Variants in PCTP observed in about 807,000 individuals in gnomAD.
PCTP encodes the protein phosphatidylcholine transfer protein.
PCTP carries 27 observed loss-of-function variants against 31.0 expected under a neutral mutation model. The observed-to-expected ratio is 0.87, with a 90% CI of 0.64 to 1.20. The LOEUF (loss-of-function observed/expected upper bound fraction) is 1.20. Among genes scored for constraint, PCTP ranks in the 50% most tolerant of loss-of-function variants. The pLI, the probability that PCTP is intolerant of heterozygous loss-of-function variation, is 0.00. For synonymous variants in PCTP, 108 were observed against 101.2 expected, an observed-to-expected ratio of 1.07 and a Z score of -0.40; for missense variants, 287 against 268.2, an observed-to-expected ratio of 1.07 and a Z score of -0.49.
intron 5 of PCTP, among the ~76,000 whole-genome samples, chr17:55,841,767 A>G (rs780864122): frequency 4.6e-5 from 7 of 152,222 alleles, no homozygotes; most frequent in Non-Finnish European, 7.3e-5. Flanking sequence ...TAGATTGGGT[A>G]TGCAAATTAC....
chr17:55,773,911 C>T lies in PCTP; in HGVS notation c.511+16C>T. ...GGGAGCAAAGGTAAAACCCATGGTG[C>T]CTGTCAGTGCACCCAGCCAGGGGTC... On this transcript the variant is annotated intron_variant, in intron 4 of 5. Transcript: ENST00000268896. The T allele has an allele frequency of 6.3e-7, 1 of 1,578,712 alleles. No homozygotes were observed. The highest frequency in any genetic ancestry group is 8.6e-7 in the Non-Finnish European group (1 of 1,159,028).
chr17:55,776,556 A>G lies in PCTP; in HGVS notation c.*456A>G, dbSNP rs973429053. On this transcript the variant is annotated 3_prime_UTR_variant, in exon 6 of 6. Coordinates refer to ENST00000268896, the MANE Select transcript of PCTP (RefSeq NM_021213.4). ...AGCTTGTGATTTCTTCCAGCTTGGG[A>G]GGGGCTGCTGGAAGTGGCATTTCGT... The G allele has an allele frequency of 3.3e-5, 41 of 1,231,810 alleles. No homozygotes were observed. Among genetic ancestry groups the G allele is most frequent in the Non-Finnish European group, 3.8e-5 (38 of 988,334 alleles). 76.3% of individuals were successfully genotyped at this position (1,231,810 alleles called of 1,614,324 possible).
intron 3 of PCTP, among the ~76,000 whole-genome samples, chr17:55,795,062 T>C (rs1912139897): frequency 6.6e-6 from 1 of 151,864 alleles, no homozygotes; most frequent in Non-Finnish European, 1.5e-5. Context: ...ATACACACAC[T>C]AACCCTCCTC....
At chr17:55,841,583 G>A (rs982184115) in intron 5 of PCTP, among the ~76,000 whole-genome samples, 1 of 152,176 alleles carries the variant, frequency 6.6e-6, no homozygotes, top group Non-Finnish European at 1.5e-5. Context: ...GCCACGGTCT[G>A]TGGTTTTGAA....
intron 3 of PCTP, among the ~76,000 whole-genome samples, chr17:55,813,463 T>G (rs902436211): frequency 3.9e-5 from 6 of 151,944 alleles, no homozygotes; most frequent in Non-Finnish European, 8.8e-5. Flanking sequence ...TTTTTTTGTG[T>G]TTCAGTAGAG....
At chr17:55,758,561 GT>G (rs1910170156) in intron 1 of PCTP, among the ~76,000 whole-genome samples, 1 of 152,152 alleles carries the variant, frequency 6.6e-6, no homozygotes, top group African/African-American at 2.4e-5. Context: ...GCTCCTTTCT[GT>G]CATCCTTCTG....
intron 3 of PCTP, among the ~76,000 whole-genome samples, chr17:55,804,118 C>T (rs942393694): frequency 6.6e-6 from 1 of 152,172 alleles, no homozygotes; most frequent in Admixed American, 6.5e-5. Flanking sequence ...AAAAGATCAT[C>T]ATCACTGGTC....
chr17:55,833,508 T>G (rs1024629275), intron 5 of PCTP, among the ~76,000 whole-genome samples: 13 of 152,246 alleles, frequency 8.5e-5, no homozygotes, highest in Admixed American at 2.6e-4. Flanking sequence ...ATGCACTGCC[T>G]GGCACAGTTT....
At chr17:55,841,385 G>A (rs557228911) in intron 5 of PCTP, among the ~76,000 whole-genome samples, 13 of 152,288 alleles carry the variant, frequency 8.5e-5, no homozygotes, top group African/African-American at 2.6e-4. Flanking sequence ...TGAGAAGGGC[G>A]CAGTAGAGTT....
chr17:55,790,141 A>C (rs1460621391), intron 3 of PCTP, among the ~76,000 whole-genome samples: 1 of 152,234 alleles, frequency 6.6e-6, no homozygotes, highest in Admixed American at 6.5e-5. Context: ...TTAGGTATTG[A>C]TGGCATGTAT....
downstream of PCTP, among the ~76,000 whole-genome samples, chr17:55,779,956 C>T (rs1165318711): frequency 6.6e-6 from 1 of 152,192 alleles, no homozygotes; most frequent in Non-Finnish European, 1.5e-5. Context: ...ACATCTGCAT[C>T]ATGCAGCCCA....
chr17:55,794,452 G>GT (rs746733092), intron 3 of PCTP, among the ~76,000 whole-genome samples: 231 of 149,726 alleles, frequency 1.5e-3, no homozygotes, highest in South Asian at 0.013. Context: ...GCATTTGGGT[G>GT]TTTTTTTTTA....
At chr17:55,851,244 A>G in the PCTP span, among the ~76,000 whole-genome samples, 1 of 152,374 alleles carries the variant, frequency 6.6e-6, no homozygotes. Context: ...TTACTGAGGC[A>G]TAAATGACTT....
At chr17:55,792,367 A>G (rs1382374698) in intron 3 of PCTP, among the ~76,000 whole-genome samples, 1 of 151,872 alleles carries the variant, frequency 6.6e-6, no homozygotes, top group African/African-American at 2.4e-5. Flanking sequence ...ATTTCTAAAC[A>G]CTTTCTCAAA....
intron 3 of PCTP, chr17:55,822,654 C>T: frequency 2.2e-6 from 1 of 461,536 alleles, no homozygotes; most frequent in Non-Finnish European, 3.5e-6. Context: ...GAATTGCATC[C>T]TTCCATGACT....
chr17:55,773,400 A>C (rs1454239762), intron 3 of PCTP, among the ~76,000 whole-genome samples: 1 of 152,150 alleles, frequency 6.6e-6, no homozygotes, highest in Admixed American at 6.5e-5. Context: ...ACCTAGGACC[A>C]CACAGCTGTT....
chr17:55,809,100 G>C (rs1356999912), intron 3 of PCTP, among the ~76,000 whole-genome samples: 1 of 152,122 alleles, frequency 6.6e-6, no homozygotes. Context: ...ATGAAGTAAT[G>C]CTCTTTATTA....
chr17:55,844,148 T>C (rs1906071569), downstream of PCTP, among the ~76,000 whole-genome samples: 1 of 152,226 alleles, frequency 6.6e-6, no homozygotes, highest in African/African-American at 2.4e-5. Context: ...AGACATCGTA[T>C]TATAAATGGA....
intron 3 of PCTP, among the ~76,000 whole-genome samples, chr17:55,806,367 C>T (rs894779460): frequency 1.3e-5 from 2 of 152,086 alleles, no homozygotes; most frequent in African/African-American, 2.4e-5. Context: ...AGTACCATTA[C>T]GTTGGTGGCT....
Sources: allele counts gnomAD v4.1 joint callset (sites outside exome capture counted in the v4.1 genomes callset), GRCh38; gene constraint gnomAD v4.1.1; transcripts MANE v1.5; gene names NCBI Gene and HGNC (gene_info 2026-07-23, HGNC 2026-07-21).